PRKCA: variants seen among roughly 807,000 people sequenced by gnomAD.
The protein encoded by PRKCA is protein kinase C alpha, also known as protein kinase C alpha type.
A neutral mutation model predicts 87.0 loss-of-function variants in PRKCA; 27 were observed. The ratio of observed to expected loss-of-function variants is 0.31; its 90% CI spans 0.23 to 0.43. PRKCA has a LOEUF of 0.43. PRKCA is among the 20% of genes least tolerant of loss of function. The pLI, the probability that PRKCA is intolerant of heterozygous loss-of-function variation, is 1.00. For missense variants in PRKCA, 518 were observed against 852.3 expected, an observed-to-expected ratio of 0.61 and a Z score of 4.88; for synonymous variants, 329 against 311.1, an observed-to-expected ratio of 1.06 and a Z score of -0.61.
intron 16 of PRKCA, among the ~76,000 whole-genome samples, chr17:66,795,177 C>A (rs1390892204): frequency 6.6e-6 from 1 of 152,116 alleles, no homozygotes; most frequent in Non-Finnish European, 1.5e-5. Context: ...AATAATTACT[C>A]CAGCAAGCTA....
chr17:66,433,613 C>T (rs1305235311), intron 2 of PRKCA, among the ~76,000 whole-genome samples: 2 of 152,078 alleles, frequency 1.3e-5, no homozygotes, highest in Non-Finnish European at 2.9e-5. Flanking sequence ...GGTGTTCTCT[C>T]AGCTCACTGC....
intron 3 of PRKCA, among the ~76,000 whole-genome samples, chr17:66,496,842 T>C (rs1312809265): frequency 6.6e-6 from 1 of 152,090 alleles, no homozygotes; most frequent in Non-Finnish European, 1.5e-5. Flanking sequence ...TGGGGTTTCA[T>C]CATGTTGGCA....
At chr17:66,514,165 C>T (rs779116843) in intron 3 of PRKCA, among the ~76,000 whole-genome samples, 2 of 152,112 alleles carry the variant, frequency 1.3e-5, no homozygotes, top group Non-Finnish European at 2.9e-5. Flanking sequence ...TGGGTATGTA[C>T]ATATAGGAAA....
At chr17:66,381,594 G>A (rs570635470) in intron 2 of PRKCA, among the ~76,000 whole-genome samples, 1 of 152,178 alleles carries the variant, frequency 6.6e-6, no homozygotes, top group East Asian at 1.9e-4. Context: ...TCCATATCTT[G>A]CTCTATTCTA....
intron 13 of PRKCA, among the ~76,000 whole-genome samples, chr17:66,766,203 A>C (rs28503613): frequency 6.6e-6 from 1 of 152,100 alleles, no homozygotes; most frequent in Non-Finnish European, 1.5e-5. Context: ...AGAGCGTGTT[A>C]TCAGAAGGAG....
intron 10 of PRKCA, among the ~76,000 whole-genome samples, chr17:66,737,681 C>T (rs1974068446): frequency 6.6e-6 from 1 of 152,240 alleles, no homozygotes; most frequent in Non-Finnish European, 1.5e-5. Flanking sequence ...ACGTGTCAGC[C>T]TAGCGCTGGC....
chr17:66,604,483 G>A (rs1970153417), intron 3 of PRKCA, among the ~76,000 whole-genome samples: 1 of 152,180 alleles, frequency 6.6e-6, no homozygotes. Flanking sequence ...CCCTTTGGTA[G>A]GTGGAAACCA....
chr17:66,750,657 A>C (rs1416918108), intron 13 of PRKCA, among the ~76,000 whole-genome samples: 1 of 151,984 alleles, frequency 6.6e-6, no homozygotes, highest in Admixed American at 6.6e-5. Flanking sequence ...CCCACTTCCA[A>C]TCCTCCCTCC....
intron 5 of PRKCA, among the ~76,000 whole-genome samples, chr17:66,658,338 G>T (rs1219458554): frequency 1.3e-5 from 2 of 152,060 alleles, no homozygotes; most frequent in African/African-American, 4.8e-5. Flanking sequence ...GAAATTAGCT[G>T]GGCATGGTGG....
chr17:66,499,698 A>G (rs1916643534), intron 3 of PRKCA, among the ~76,000 whole-genome samples: 1 of 152,184 alleles, frequency 6.6e-6, no homozygotes. Flanking sequence ...TCCTGCTCCT[A>G]ATCTTGTGTT....
At chr17:66,730,195 G>C (rs1290390891) in intron 8 of PRKCA, among the ~76,000 whole-genome samples, 1 of 152,204 alleles carries the variant, frequency 6.6e-6, no homozygotes, top group Non-Finnish European at 1.5e-5. Context: ...AGAGCTGAGT[G>C]CATGTCCTGT....
intron 10 of PRKCA, 107 bp downstream of exon 10, chr17:66,735,769 T>A (rs1203744235): frequency 7.7e-7 from 1 of 1,303,138 alleles, no homozygotes; most frequent in African/African-American, 1.5e-5. Flanking sequence ...TGGAGAAAGG[T>A]GTGTTGTGAT....
chr17:66,456,982 A>G (rs1555606691), intron 2 of PRKCA, among the ~76,000 whole-genome samples: 1 of 152,156 alleles, frequency 6.6e-6, no homozygotes, highest in Non-Finnish European at 1.5e-5. Context: ...AATGTCATGA[A>G]TGTCTGAGTA....
Position 66,648,219 on chromosome 17 carries a change from G to A in PRKCA, c.529+2708G>A, listed in dbSNP as rs547371764. ...TATAAGGCTCTGCGTTTGGTTGAAGGTTATCCCGAAAGGATTACTTCCCAA... is the reference window on the plus strand; with the variant it reads ...TATAAGGCTCTGCGTTTGGTTGAAGATTATCCCGAAAGGATTACTTCCCAA... On this transcript the variant is annotated intron_variant, in intron 5 of 16. Coordinates refer to ENST00000413366, the MANE Select transcript of PRKCA (RefSeq NM_002737.3). 8.5e-5 allele frequency among the ~76,000 whole-genome samples: 13 copies of A among 152,258 alleles called. 1 individual carries two copies. In the South Asian group the frequency reaches 2.7e-3, roughly 32 times the overall value.
At chr17:66,379,313 AT>A (rs1370153370) in intron 2 of PRKCA, among the ~76,000 whole-genome samples, 1 of 152,190 alleles carries the variant, frequency 6.6e-6, no homozygotes, top group African/African-American at 2.4e-5. Flanking sequence ...CTTCACCAAC[AT>A]TTATTGTTCA....
At chr17:66,349,221 A>G (rs1907586074) in intron 2 of PRKCA, among the ~76,000 whole-genome samples, 1 of 152,204 alleles carries the variant, frequency 6.6e-6, no homozygotes, top group Non-Finnish European at 1.5e-5. Flanking sequence ...GGTATAAAGC[A>G]AATAGTTTAT....
intron 5 of PRKCA, among the ~76,000 whole-genome samples, chr17:66,654,305 C>T (rs1971670607): frequency 1.3e-5 from 2 of 152,162 alleles, no homozygotes; most frequent in Admixed American, 6.5e-5. Flanking sequence ...ATGCTTAGAT[C>T]CTGTGAGAAG....
At chr17:66,483,708 G>A (rs919356084) in intron 2 of PRKCA, among the ~76,000 whole-genome samples, 4 of 152,040 alleles carry the variant, frequency 2.6e-5, no homozygotes, top group African/African-American at 9.6e-5. Flanking sequence ...TGATCCACCC[G>A]CCTTGGCCTC....
intron 2 of PRKCA, among the ~76,000 whole-genome samples, chr17:66,446,451 A>G (rs1372060704): frequency 6.6e-6 from 1 of 152,220 alleles, no homozygotes; most frequent in Non-Finnish European, 1.5e-5. Context: ...AGGCATTTTC[A>G]ATGTCTTCTG....
Sources: gnomAD v4.1 joint callset for allele counts (sites outside exome capture counted in the v4.1 genomes callset) on GRCh38, gnomAD v4.1.1 for gene constraint, MANE v1.5 for transcripts, NCBI Gene and HGNC (gene_info 2026-07-23, HGNC 2026-07-21) for gene names.